SPOCD1: variants seen among roughly 807,000 people sequenced by gnomAD.
SPOCD1 encodes the protein SPOC domain containing 1, also known as SPOC domain-containing protein 1.
In SPOCD1, 64 loss-of-function variants were observed where a neutral mutation model predicts 92.2. The observed-to-expected ratio is 0.69, with a 90% CI of 0.57 to 0.86. The LOEUF (loss-of-function observed/expected upper bound fraction) is 0.86, where lower values mean the gene tolerates loss of function less well. Among genes scored for constraint, SPOCD1 ranks in the 40% least tolerant of loss-of-function variants. The pLI, the probability that SPOCD1 is intolerant of heterozygous loss-of-function variation, is 0.00. For synonymous variants in SPOCD1, 578 were observed against 619.3 expected, an observed-to-expected ratio of 0.93 and a Z score of 0.99; for missense variants, 1,360 against 1,543.1, an observed-to-expected ratio of 0.88 and a Z score of 1.99.
chr1:31,812,630 A>G (rs1423819452), intron 2 of SPOCD1, among the ~76,000 whole-genome samples: 1 of 152,210 alleles, frequency 6.6e-6, no homozygotes, highest in Admixed American at 6.5e-5. Context: ...CTCAGTGTTC[A>G]GATCAGTGAA....
chr1:31,798,597 G>C lies in SPOCD1; in HGVS notation c.1873C>G (p.Arg625Gly). The part of the protein sequence containing the change: ...SMQEVLWTRL[R>G]ELPDPVLSEE... ...CTCAGCACTGGGTCTGGGAGCTCCCGAAGGCTGTGGAGGCCAGGGCAGGGC... is the reference window on the plus strand; with the variant it reads ...CTCAGCACTGGGTCTGGGAGCTCCCCAAGGCTGTGGAGGCCAGGGCAGGGC... Residue 625 changes from arginine (R) to glycine (G), a missense_variant, in exon 8 of 16, where the codon CGG becomes GGG. Arg to Gly is a moderately radical substitution (Grantham distance 125). Around this residue, in one of 3 missense-constraint regions of SPOCD1, gnomAD observed 606 missense variants for 601.5 expected, o/e 1.01. Transcript: ENST00000360482. The surrounding 1 kb of genome is among the most constrained non-coding windows in gnomAD (Gnocchi z 4.1). The C allele has an allele frequency of 6.2e-7, 1 of 1,612,358 alleles. No individual in the cohort carries two copies. The highest frequency in any genetic ancestry group is 8.5e-7 in the Non-Finnish European group (1 of 1,179,486).
chr1:31,815,168 T>C lies in SPOCD1; in HGVS notation c.166A>G (p.Arg56Gly), dbSNP rs758239168. Residue 56 changes from arginine to glycine, a missense_variant, in exon 2 of 16, where the codon AGA (arginine) becomes GGA (glycine). Coordinates refer to ENST00000360482, the MANE Select transcript of SPOCD1 (RefSeq NM_144569.7). The stretch of plus-strand genomic sequence containing the variant: ...GCCTCCTTCCTGGGGATCTTCCTTC[T>C]GCTGCCAGCCCTGACTCCGGGCCCA... ...SSGPGVRAGS[R>G]RKIPRKEALR... 9 of 1,607,442 alleles carry C rather than the reference T, an allele frequency of 5.6e-6. No homozygotes were observed. In the South Asian group the frequency reaches 9.9e-5, roughly 18 times the overall value.
intron 2 of SPOCD1, among the ~76,000 whole-genome samples, chr1:31,811,890 C>T (rs1451486970): frequency 6.6e-6 from 1 of 152,184 alleles, no homozygotes; most frequent in Non-Finnish European, 1.5e-5. Context: ...TCAAGCCAGG[C>T]AGGAAGCTGG....
chr1:31,793,905 T>G lies in SPOCD1; in HGVS notation c.2384-8A>C, dbSNP rs1465401249. 2.5e-6 allele frequency: 4 copies of G among 1,606,524 alleles called. No homozygotes were observed. In the African/African-American group the frequency reaches 5.4e-5, roughly 22 times the overall value. On this transcript the variant is annotated splice_region_variant and splice_polypyrimidine_tract_variant and intron_variant, in intron 11 of 15. Transcript: ENST00000360482. ...CATTCGAGGGCTCCCAGTCTGCAAA[T>G]AGCAGAGGCAGGAGCTGAAACAGGG...
intron 10 of SPOCD1, 110 bp downstream of exon 10, chr1:31,796,480 G>A (rs141198310): frequency 6.5e-7 from 1 of 1,530,606 alleles, no homozygotes; most frequent in African/African-American, 1.4e-5. Context: ...CAAACAAGGT[G>A]GGCCTCAGAG....
intron 14 of SPOCD1, 78 bp from the exon 15 acceptor site, chr1:31,792,479 CCT>C (rs997980061): frequency 2.1e-6 from 3 of 1,456,638 alleles, no homozygotes; most frequent in African/African-American, 1.4e-5. Context: ...CCCTGAAACC[CCT>C]GAGAACCCCG....
rs1019718666 is a variant in SPOCD1, at chr1:31,799,345, G to A, written c.1868+56C>T. ...TAGAACATGGCAGGGCCCCGGAGGCGGGGGCATGTGAGGGCGGCCCTTGGG... is the reference window on the plus strand; with the variant it reads ...TAGAACATGGCAGGGCCCCGGAGGCAGGGGCATGTGAGGGCGGCCCTTGGG... On this transcript the variant is annotated intron_variant, in intron 7 of 15. Coordinates refer to ENST00000360482, the MANE Select transcript of SPOCD1 (RefSeq NM_144569.7). 7.1e-5 allele frequency: 103 copies of A among 1,456,484 alleles called. 1 individual carries two copies. In the Middle Eastern group the frequency reaches 7.1e-4, roughly 10 times the overall value. 90.2% of individuals were successfully genotyped at this position (1,456,484 alleles called of 1,614,324 possible).
intron 14 of SPOCD1, 61 bp from the exon 15 acceptor site, chr1:31,792,462 C>A (rs1229168912): frequency 1.3e-6 from 2 of 1,548,816 alleles, no homozygotes; most frequent in Admixed American, 3.8e-5. Flanking sequence ...GCCAACACCC[C>A]TGGGCTCCCT....
In SPOCD1 at chr1:31,793,330, C is replaced by G; in HGVS notation, c.2633G>C (p.Arg878Pro). 1 of 1,591,502 alleles carries G rather than the reference C, an allele frequency of 6.3e-7. No individual in the cohort carries two copies. The highest frequency in any genetic ancestry group is 1.1e-5 in the South Asian group (1 of 87,350). Residue 878 changes from arginine to proline, a missense_variant, in exon 13 of 16, where the codon CGG (arginine) becomes CCG (proline). Transcript: ENST00000360482. Reference sequence around the variant, plus strand: ...GACCAGCTGGGCCCTGGCCCGGAACCGCTTGATGGAGAACATGTCCAGAAC... The same window carrying G: ...GACCAGCTGGGCCCTGGCCCGGAACGGCTTGATGGAGAACATGTCCAGAAC... ...EGVLDMFSIK[R>P]FRARAQLVSG...
At chr1:31,791,397 T>A in intron 15 of SPOCD1, 106 bp from the exon 16 acceptor site, 2 of 913,880 alleles carry the variant, frequency 2.2e-6, no homozygotes, top group Non-Finnish European at 3.1e-6. Flanking sequence ...CTGGGAAAAG[T>A]AAGTAGGAAG....
In SPOCD1 at chr1:31,814,553, G is replaced by C; in HGVS notation, c.781C>G (p.Pro261Ala). The change falls in exon 2 of 16, where the codon CCA (proline) becomes GCA (alanine). Residue 261 changes from proline to alanine, a missense_variant. Coordinates refer to ENST00000360482, the MANE Select transcript of SPOCD1 (RefSeq NM_144569.7). This position sits in a 1 kb window ranked among gnomAD's most constrained non-coding sequence, Gnocchi z 4.2. ...CCAGGCCCAGACCCAGTGTCTTTTG[G>C]AGAGGGAGGTCTGCAAGGGCCTCCC... The part of the protein sequence containing the change: ...SLGGPCRPPS[P>A]KDTGSGPGEP... 1.3e-6 allele frequency: 2 copies of C among 1,528,736 alleles called. No individual in the cohort carries two copies. Among genetic ancestry groups the C allele is most frequent in the Non-Finnish European group, 1.8e-6 (2 of 1,137,184 alleles). The allele number at this position is 1,528,736 out of a possible 1,614,324, so 94.7% of individuals were successfully genotyped here.
rs1352215220 is a variant in SPOCD1 at position 31,793,346 on chromosome 1, T to C, written c.2617A>G (p.Met873Val). The C allele has an allele frequency of 2.5e-6, 4 of 1,592,122 alleles. No individual in the cohort carries two copies. The highest frequency in any genetic ancestry group is 3.5e-5 in the Admixed American group (2 of 56,664). Reference protein sequence around the residue: ...CLPPWEGVLDMFSIKRFRARA... With the variant: ...CLPPWEGVLDVFSIKRFRARA... ...GCCCGGAACCGCTTGATGGAGAACA[T>C]GTCCAGAACACCTTCCCAGGGTGGC... The change falls in exon 13 of 16, where the codon ATG becomes GTG. Residue 873 changes from methionine to valine, a missense_variant. Met to Val is a conservative substitution (Grantham distance 21, BLOSUM62 1). Transcript: ENST00000360482.
chr1:31,800,150 A>G lies in SPOCD1; in HGVS notation c.1603-9T>C, dbSNP rs1362209182. 1 of 1,591,994 alleles carries G rather than the reference A, an allele frequency of 6.3e-7. No individual in the cohort carries two copies. Among genetic ancestry groups the G allele is most frequent in the Admixed American group, 1.8e-5 (1 of 54,516 alleles). ...GGAGAAGGCTGGAAAACCTTGGGGC[A>G]GGGAGCAGACAAGCTATTGGCCGGA... On this transcript the variant is annotated splice_polypyrimidine_tract_variant and intron_variant, in intron 4 of 15. Coordinates refer to ENST00000360482, the MANE Select transcript of SPOCD1 (RefSeq NM_144569.7).
Position 31,794,171 on chromosome 1 carries a change from C to T in SPOCD1, c.2336G>A (p.Gly779Glu). Residue 779 changes from glycine (G) to glutamate (E), a missense_variant, in exon 11 of 16, where the codon GGG becomes GAG. This residue lies in a region of SPOCD1 where 614 missense variants were observed against 757.8 expected (regional missense o/e 0.81). Transcript: ENST00000360482. Reference sequence around the variant, plus strand: ...GTCTAAGAAGTGGTGGTCATGCTGCCCCGTGGTGTCCTCTGATGCGATGGG... The same window carrying T: ...GTCTAAGAAGTGGTGGTCATGCTGCTCCGTGGTGTCCTCTGATGCGATGGG... ...ALPIASEDTT[G>E]QHDHHFLDPN... 6.2e-7 allele frequency: 1 copy of T among 1,614,044 alleles called. No homozygotes were observed. The highest frequency in any genetic ancestry group is 8.5e-7 in the Non-Finnish European group (1 of 1,180,010).
chr1:31,794,501 C>CTTTTTTTTTTTTTTTTTTTTTTTT (rs869084604), intron 10 of SPOCD1: 1 of 76,922 alleles, frequency 1.3e-5, no homozygotes, highest in African/African-American at 4.3e-5. Context: ...TTTTTCTTTT[C>CTTTTTTTTTTTTTTTTTTTTTTTT]TTTTTTTTTT....
chr1:31,813,961 C>T lies in SPOCD1; in HGVS notation c.1373G>A (p.Cys458Tyr), dbSNP rs748277539. 4 of 1,538,248 alleles carry T rather than the reference C, an allele frequency of 2.6e-6. No individual in the cohort carries two copies. In the African/African-American group the frequency reaches 4.1e-5, roughly 16 times the overall value. Reference sequence around the variant, plus strand: ...TCAGACTCAGCTCACCAGTCTGGGGCAGCCTCCTGGGCTGGGTTCCTCTGG... The same window carrying T: ...TCAGACTCAGCTCACCAGTCTGGGGTAGCCTCCTGGGCTGGGTTCCTCTGG... ...DRPEEPSPGG[C>Y]PRLEEVKIPH... The change falls in exon 2 of 16, where the codon TGC becomes TAC. Residue 458 changes from cysteine to tyrosine, a missense_variant. Cys to Tyr is a radical substitution (Grantham distance 194, BLOSUM62 -2). Around this residue, in one of 3 missense-constraint regions of SPOCD1, gnomAD observed 606 missense variants for 601.5 expected, o/e 1.01. Coordinates refer to ENST00000360482, the MANE Select transcript of SPOCD1 (RefSeq NM_144569.7).
chr1:31,791,644 G>A (rs1404733054), intron 15 of SPOCD1, among the ~76,000 whole-genome samples: 1 of 152,186 alleles, frequency 6.6e-6, no homozygotes, highest in Non-Finnish European at 1.5e-5. Context: ...GGCCGAGCTC[G>A]GCCCCCCGTG....
rs1393308079 is a variant in SPOCD1, at chr1:31,792,782, G to A, written c.2686-15C>T. On this transcript the variant is annotated splice_polypyrimidine_tract_variant and intron_variant, in intron 13 of 15. Transcript: ENST00000360482. ...GTGGGCAGAGCCTAGGGGCAGGAAGGATGGCCAGTCAGCTCCCCAGCTTCC... is the reference window on the plus strand; with the variant it reads ...GTGGGCAGAGCCTAGGGGCAGGAAGAATGGCCAGTCAGCTCCCCAGCTTCC... The A allele has an allele frequency of 6.3e-7, 1 of 1,584,822 alleles. No individual in the cohort carries two copies. Among genetic ancestry groups the A allele is most frequent in the Non-Finnish European group, 8.6e-7 (1 of 1,163,832 alleles).
intron 2 of SPOCD1, among the ~76,000 whole-genome samples, chr1:31,810,614 C>T (rs1248969712): frequency 3.9e-5 from 6 of 152,154 alleles, no homozygotes; most frequent in Admixed American, 2.6e-4. Flanking sequence ...TCCCAAAGTG[C>T]TGGGATTACA....
Sources: gnomAD v4.1 joint callset for allele counts (sites outside exome capture counted in the v4.1 genomes callset) on GRCh38, gnomAD v4.1.1 for gene constraint, gnomAD v4.1.1 regional missense constraint, Gnocchi (gnomAD v3.1) non-coding constraint, MANE v1.5 for transcripts, NCBI Gene and HGNC (gene_info 2026-07-23, HGNC 2026-07-21) for gene names.